Variants in PSD3 observed in about 807,000 individuals in gnomAD.
PSD3 encodes pleckstrin and Sec7 domain containing 3.
Under a neutral mutation model 105.5 loss-of-function variants are expected in PSD3, and 49 were observed. That is an observed-to-expected ratio of 0.46 (90% confidence interval 0.37 to 0.59). PSD3 has a LOEUF of 0.59. Among genes scored for constraint, PSD3 ranks in the 20% least tolerant of loss-of-function variants. The probability of loss-of-function intolerance (pLI) is 0.00; values close to 1 mark genes in which losing one functional copy is unlikely to be tolerated. For synonymous variants in PSD3, 557 were observed against 457.8 expected, an observed-to-expected ratio of 1.22 and a Z score of -2.77; for missense variants, 1,561 against 1,263.8, an observed-to-expected ratio of 1.24 and a Z score of -3.57.
intron 9 of PSD3, among the ~76,000 whole-genome samples, chr8:18,689,887 A>G (rs1800879808): frequency 6.6e-6 from 1 of 152,242 alleles, no homozygotes; most frequent in South Asian, 2.1e-4. Context: ...TCTTCATTCT[A>G]TAGATGACTC....
chr8:18,975,314 A>AAAT (rs1491401616), intron 1 of PSD3, among the ~76,000 whole-genome samples: 1 of 144,314 alleles, frequency 6.9e-6, no homozygotes. Context: ...ATTTTCTGAA[A>AAAT]TTTTTTTTTT....
chr8:18,927,840 A>G (rs549984131), intron 2 of PSD3, among the ~76,000 whole-genome samples: 1 of 152,364 alleles, frequency 6.6e-6, no homozygotes, highest in East Asian at 1.9e-4. Flanking sequence ...ATGCCAGGAA[A>G]TGGGGACAAA....
rs900970704 is a variant in PSD3, at chr8:18,529,609, C to T, written c.*6134G>A. ...TCAATTTGGTCTAATTACTCTTGTT[C>T]CTACAGTTTTACAAAAGTATCTTAA... On this transcript the variant is annotated 3_prime_UTR_variant, in exon 16 of 16. Coordinates refer to ENST00000327040, the MANE Select transcript of PSD3 (RefSeq NM_015310.4). 6.6e-6 allele frequency: 1 copy of T among 152,560 alleles called. No individual in the cohort carries two copies. Among genetic ancestry groups the T allele is most frequent in the Non-Finnish European group, 1.5e-5 (1 of 68,038 alleles). 9.5% of individuals were successfully genotyped at this position (152,560 alleles called of 1,614,324 possible).
intron 1 of PSD3, among the ~76,000 whole-genome samples, chr8:19,044,351 C>T (rs997419205): frequency 6.6e-6 from 1 of 152,120 alleles, no homozygotes; most frequent in African/African-American, 2.4e-5. Flanking sequence ...CTTTCCTGAG[C>T]CAGCCTGGTG....
chr8:18,601,303 C>G (rs1190399557), intron 11 of PSD3, among the ~76,000 whole-genome samples: 1 of 152,174 alleles, frequency 6.6e-6, no homozygotes, highest in Non-Finnish European at 1.5e-5. Flanking sequence ...AAATCTATAA[C>G]TGGAAAATGT....
At chr8:18,543,410 C>G (rs539615838) in intron 15 of PSD3, among the ~76,000 whole-genome samples, 1 of 152,008 alleles carries the variant, frequency 6.6e-6, no homozygotes, top group Non-Finnish European at 1.5e-5. Context: ...GTCAAGAGAT[C>G]GAGACCATCT....
rs913250533 is a variant in PSD3, at chr8:18,845,778, A to G, written c.1634+21896T>C. Among the ~76,000 whole-genome samples the G allele has an allele frequency of 5.3e-5, 8 of 152,356 alleles. No individual in the cohort carries two copies. In the East Asian group the frequency reaches 1.5e-3, roughly 29 times the overall value. On this transcript the variant is annotated intron_variant, in intron 4 of 15. Coordinates refer to ENST00000327040, the MANE Select transcript of PSD3 (RefSeq NM_015310.4). ...ATAGCAAGACCCCACCTCTACAAAAAAAATTAAAATAAATGGCGGAAGAAG... is the reference window on the plus strand; with the variant it reads ...ATAGCAAGACCCCACCTCTACAAAAGAAATTAAAATAAATGGCGGAAGAAG...
At chr8:18,655,777 G>A in intron 9 of PSD3, 92 bp from the exon 10 acceptor site, 1 of 1,248,622 alleles carries the variant, frequency 8.0e-7, no homozygotes, top group Non-Finnish European at 1.2e-6. Flanking sequence ...TTCATAAAAG[G>A]ATAGGCACGA....
At chr8:18,750,215 TCAAGAATGAAGCCGCGG>T (rs1442306131) in intron 9 of PSD3, among the ~76,000 whole-genome samples, 1 of 152,200 alleles carries the variant, frequency 6.6e-6, no homozygotes, top group African/African-American at 2.4e-5. Context: ...CTCACTGACT[TCAAGAATGAAGCCGCGG>T]ACCCTCGCGG....
At chr8:18,730,577 T>C (rs529751100) in intron 9 of PSD3, among the ~76,000 whole-genome samples, 84 of 152,348 alleles carry the variant, frequency 5.5e-4, no homozygotes, top group African/African-American at 1.9e-3. Flanking sequence ...TTCACTGGCC[T>C]TTCATCCATC....
At chr8:18,782,144 T>C (rs1808695579) in intron 8 of PSD3, among the ~76,000 whole-genome samples, 1 of 152,146 alleles carries the variant, frequency 6.6e-6, no homozygotes, top group African/African-American at 2.4e-5. Flanking sequence ...ATATTTTGAA[T>C]TCATTTTCAG....
chr8:18,536,146 T>C (rs3739394), intron 15 of PSD3, among the ~76,000 whole-genome samples, 188 bp from the exon 16 acceptor site: 99,541 of 152,088 alleles, frequency 0.65, 35,008 homozygotes, highest in East Asian at 0.8. Context: ...CTGTCTTATG[T>C]AGATAAGAAA....
intron 7 of PSD3, among the ~76,000 whole-genome samples, 177 bp from the exon 8 acceptor site, chr8:18,799,530 G>A (rs1288917852): frequency 6.6e-6 from 1 of 152,186 alleles, no homozygotes; most frequent in Non-Finnish European, 1.5e-5. Flanking sequence ...GAACCTCAAT[G>A]CACAGAACTG....
intron 10 of PSD3, among the ~76,000 whole-genome samples, chr8:18,644,609 C>G (rs1016931594): frequency 6.6e-6 from 1 of 152,144 alleles, no homozygotes; most frequent in Non-Finnish European, 1.5e-5. Flanking sequence ...CCCAGATGGT[C>G]CTTAAATTTC....
At chr8:19,049,838 C>G (rs1432266665) in intron 1 of PSD3, among the ~76,000 whole-genome samples, 1 of 152,074 alleles carries the variant, frequency 6.6e-6, no homozygotes, top group Non-Finnish European at 1.5e-5. Flanking sequence ...ATGGCAAATT[C>G]GAGTCTGAAG....
chr8:18,786,099 G>A (rs1390763102), intron 8 of PSD3, among the ~76,000 whole-genome samples: 2 of 152,168 alleles, frequency 1.3e-5, no homozygotes, highest in Non-Finnish European at 2.9e-5. Flanking sequence ...AGCTGCTCGG[G>A]AGGCTGAGGC....
At chr8:18,898,062 T>A (rs945483402) in intron 2 of PSD3, among the ~76,000 whole-genome samples, 3 of 152,178 alleles carry the variant, frequency 2.0e-5, no homozygotes, top group Non-Finnish European at 4.4e-5. Context: ...TGGCTATGGT[T>A]TTCTCATATA....
At chr8:18,731,465 T>C (rs1310029082) in intron 9 of PSD3, among the ~76,000 whole-genome samples, 1 of 152,212 alleles carries the variant, frequency 6.6e-6, no homozygotes, top group Admixed American at 6.5e-5. Flanking sequence ...TATTTGATAC[T>C]TAAAATTTAC....
At chr8:18,573,806 A>T (rs1246029340) in intron 13 of PSD3, among the ~76,000 whole-genome samples, 7 of 152,202 alleles carry the variant, frequency 4.6e-5, no homozygotes, top group Non-Finnish European at 8.8e-5. Context: ...GGCAGTGACT[A>T]CAAAATGCGC....
Sources: allele counts gnomAD v4.1 joint callset (sites outside exome capture counted in the v4.1 genomes callset), GRCh38; gene constraint gnomAD v4.1.1; transcripts MANE v1.5; gene names NCBI Gene and HGNC (gene_info 2026-07-23, HGNC 2026-07-21).